TCF12: variants seen among roughly 807,000 people sequenced by gnomAD.
TCF12 encodes the protein transcription factor 12.
TCF12 carries 45 observed loss-of-function variants against 86.0 expected under a neutral mutation model. The observed-to-expected ratio is 0.52, with a 90% CI of 0.41 to 0.67. The LOEUF (loss-of-function observed/expected upper bound fraction) is 0.67, where lower values mean the gene tolerates loss of function less well. Among genes scored for constraint, TCF12 ranks in the 30% least tolerant of loss-of-function variants. TCF12 has a pLI of 0.00. For missense variants in TCF12, 881 were observed against 859.9 expected, an observed-to-expected ratio of 1.02 and a Z score of -0.31; for synonymous variants, 330 against 299.6, an observed-to-expected ratio of 1.10 and a Z score of -1.05.
At chr15:56,924,231 C>G (rs12593585) in intron 3 of TCF12, among the ~76,000 whole-genome samples, 8,805 of 152,120 alleles carry the variant, frequency 0.058, 695 homozygotes, top group East Asian at 0.29. Context: ...AAAATTAGTA[C>G]AGTATCACAA....
At chr15:56,996,680 A>G (rs1021591552) in intron 3 of TCF12, among the ~76,000 whole-genome samples, 4 of 152,332 alleles carry the variant, frequency 2.6e-5, no homozygotes, top group East Asian at 3.9e-4. Context: ...AAGAGAAACT[A>G]TCAAGGGAGT....
chr15:57,223,643 GTTTTTTTTTTTTTT>G (rs550493641), intron 8 of TCF12, among the ~76,000 whole-genome samples: 2 of 69,666 alleles, frequency 2.9e-5, no homozygotes, highest in Non-Finnish European at 5.6e-5. Context: ...TACCAATGAG[GTTTTTTTTTTTTTT>G]TTTTTTTTTT....
intron 3 of TCF12, among the ~76,000 whole-genome samples, chr15:56,999,611 T>C (rs1166415272): frequency 6.6e-6 from 1 of 152,142 alleles, no homozygotes; most frequent in African/African-American, 2.4e-5. Flanking sequence ...CAGTGGTTCA[T>C]GCCTGTAATC....
At chr15:57,081,341 A>G (rs1408203446) in intron 4 of TCF12, among the ~76,000 whole-genome samples, 1 of 152,144 alleles carries the variant, frequency 6.6e-6, no homozygotes, top group African/African-American at 2.4e-5. Flanking sequence ...CCTGGATTCA[A>G]ATCCCCATCC....
At chr15:57,143,175 AAAG>A (rs1224656268) in intron 5 of TCF12, among the ~76,000 whole-genome samples, 15 of 151,870 alleles carry the variant, frequency 9.9e-5, no homozygotes, top group Non-Finnish European at 1.9e-4. Context: ...AAAAAAAAAA[AAAG>A]AAGTAAAGCT....
chr15:57,247,543 A>G, intron 13 of TCF12: 1 of 927,136 alleles, frequency 1.1e-6, no homozygotes, highest in East Asian at 2.4e-5. Flanking sequence ...TTATAAAAGC[A>G]AATCCTGTCT....
chr15:57,282,543 C>T lies in TCF12; in HGVS notation c.2077C>T (p.His693Tyr), dbSNP rs777548792. Reference sequence around the variant, plus strand: ...GCCGCCAACCACACTGCCAGGAACCCATCCTGGGCTTAGTGAAACTACCAA... The same window carrying T: ...GCCGCCAACCACACTGCCAGGAACCTATCCTGGGCTTAGTGAAACTACCAA... ...AEPPTTLPGT[H>Y]PGLSETTNPM... Residue 693 changes from histidine (H) to tyrosine (Y), a missense_variant, in exon 20 of 21, where the codon CAT becomes TAT. Physicochemically the swap from His to Tyr is moderately conservative, Grantham distance 83. Around this residue, in one of 3 missense-constraint regions of TCF12, gnomAD observed 69 missense variants for 64.2 expected, o/e 1.07. Coordinates refer to ENST00000333725, the MANE Select transcript of TCF12 (RefSeq NM_207037.2). 2.4e-5 allele frequency: 38 copies of T among 1,614,116 alleles called. No homozygotes were observed. Among genetic ancestry groups the T allele is most frequent in the Non-Finnish European group, 3.2e-5 (38 of 1,180,054 alleles).
chr15:57,255,945 T>C (rs1259931373), intron 16 of TCF12, among the ~76,000 whole-genome samples: 2 of 152,206 alleles, frequency 1.3e-5, no homozygotes, highest in African/African-American at 4.8e-5. Flanking sequence ...TCTTCAGTCC[T>C]TATCACCTTC....
At chr15:57,015,062 G>A (rs1375980449) in intron 3 of TCF12, among the ~76,000 whole-genome samples, 1 of 152,074 alleles carries the variant, frequency 6.6e-6, no homozygotes, top group East Asian at 1.9e-4. Flanking sequence ...TGTGAGGCAG[G>A]CAGATTGCTT....
intron 3 of TCF12, among the ~76,000 whole-genome samples, chr15:57,007,420 A>G (rs2064447169): frequency 6.6e-6 from 1 of 152,230 alleles, no homozygotes; most frequent in South Asian, 2.1e-4. Flanking sequence ...GAGGAGGACA[A>G]TCAGTAAAAA....
intron 4 of TCF12, among the ~76,000 whole-genome samples, chr15:57,082,609 G>A (rs2048381307): frequency 6.6e-6 from 1 of 152,142 alleles, no homozygotes; most frequent in Non-Finnish European, 1.5e-5. Context: ...TTATCATTTG[G>A]GAAGTGTGTC....
chr15:57,182,520 C>G (rs1411634746), intron 6 of TCF12, among the ~76,000 whole-genome samples: 1 of 151,952 alleles, frequency 6.6e-6, no homozygotes, highest in Non-Finnish European at 1.5e-5. Flanking sequence ...GTCTTGTATT[C>G]TTAAAAAGAA....
At chr15:57,193,637 A>G (rs538336788) in intron 7 of TCF12, among the ~76,000 whole-genome samples, 2 of 152,350 alleles carry the variant, frequency 1.3e-5, no homozygotes, top group South Asian at 4.1e-4. Context: ...TATATAGTCC[A>G]CCAAAAGATT....
At chr15:57,153,979 A>C in intron 5 of TCF12, among the ~76,000 whole-genome samples, 1 of 152,020 alleles carries the variant, frequency 6.6e-6, no homozygotes, top group East Asian at 1.9e-4. Flanking sequence ...TGGGTGACAG[A>C]AGAAGACCCT....
At chr15:57,002,094 A>T (rs1442296092) in intron 3 of TCF12, among the ~76,000 whole-genome samples, 1 of 152,230 alleles carries the variant, frequency 6.6e-6, no homozygotes, top group Non-Finnish European at 1.5e-5. Flanking sequence ...CATGTTCAGA[A>T]GTCAATGATT....
chr15:57,000,221 A>T (rs1340991591), intron 3 of TCF12, among the ~76,000 whole-genome samples: 4 of 152,038 alleles, frequency 2.6e-5, no homozygotes, highest in Admixed American at 6.5e-5. Flanking sequence ...ATCACCAGGG[A>T]TGGAGTGCAG....
intron 3 of TCF12, among the ~76,000 whole-genome samples, chr15:56,958,634 A>G (rs1406229152): frequency 1.3e-5 from 2 of 151,916 alleles, no homozygotes; most frequent in African/African-American, 2.4e-5. Flanking sequence ...GCATTGGACA[A>G]TATATACAGT....
chr15:57,082,447 C>T (rs113298070), intron 4 of TCF12, among the ~76,000 whole-genome samples: 6,281 of 152,310 alleles, frequency 0.041, 365 homozygotes, highest in African/African-American at 0.13. Flanking sequence ...AAGAGGCTAG[C>T]AAAGATTAAC....
chr15:57,177,997 C>T (rs1169216985), intron 6 of TCF12, among the ~76,000 whole-genome samples: 1 of 152,096 alleles, frequency 6.6e-6, no homozygotes, highest in Non-Finnish European at 1.5e-5. Flanking sequence ...ACTTAGTGCT[C>T]GTTGGAAGCA....
Sources: allele counts gnomAD v4.1 joint callset (sites outside exome capture counted in the v4.1 genomes callset), GRCh38; gene constraint gnomAD v4.1.1; regional missense constraint gnomAD v4.1.1; transcripts MANE v1.5; gene names NCBI Gene and HGNC (gene_info 2026-07-23, HGNC 2026-07-21).